LYPD6B: variants seen among roughly 807,000 people sequenced by gnomAD.
LYPD6B encodes the protein LY6/PLAUR domain containing 6B.
Under a neutral mutation model 22.8 loss-of-function variants are expected in LYPD6B, and 17 were observed. The observed-to-expected ratio is 0.75, with a 90% confidence interval of 0.51 to 1.12. LYPD6B has a LOEUF of 1.12. Ranked by LOEUF, LYPD6B falls within the 50% of genes most tolerant of loss-of-function variation. The pLI, the probability that LYPD6B is intolerant of heterozygous loss-of-function variation, is 0.00. For synonymous variants in LYPD6B, 106 were observed against 91.6 expected (o/e 1.16, Z -0.90); for missense variants, 221 against 258.3 (o/e 0.86, Z 0.99).
chr2:149,206,047 T>G, intron 4 of LYPD6B: 1 of 467,608 alleles, frequency 2.1e-6, no homozygotes. Context: ...ATATACTTTA[T>G]TAGAGAGTGA....
At chr2:149,067,231 G>A (rs778215481) in intron 1 of LYPD6B, among the ~76,000 whole-genome samples, 9 of 152,080 alleles carry the variant, frequency 5.9e-5, no homozygotes, top group African/African-American at 1.9e-4. Flanking sequence ...TTTGAGAAGC[G>A]CTGCTACATA....
chr2:149,132,508 A>G (rs1401107011), intron 2 of LYPD6B, among the ~76,000 whole-genome samples: 2 of 152,022 alleles, frequency 1.3e-5, no homozygotes. Context: ...CCAAAGCCCA[A>G]CATTTTGGCT....
At chr2:149,205,521 G>C in intron 4 of LYPD6B, 117 bp downstream of exon 4, 1 of 1,115,744 alleles carries the variant, frequency 9.0e-7, no homozygotes, top group Non-Finnish European at 1.3e-6. Context: ...TTTATCCCTA[G>C]AATAAAACAG....
At chr2:149,177,995 C>G (rs562054424) in intron 3 of LYPD6B, among the ~76,000 whole-genome samples, 5 of 152,182 alleles carry the variant, frequency 3.3e-5, no homozygotes, top group African/African-American at 1.2e-4. Context: ...TACTATATCC[C>G]TAACATTTAA....
chr2:149,086,694 A>G (rs1414264601), intron 1 of LYPD6B, among the ~76,000 whole-genome samples: 1 of 152,224 alleles, frequency 6.6e-6, no homozygotes, highest in Non-Finnish European at 1.5e-5. Flanking sequence ...TCACAGACCC[A>G]GTGCCCTAAA....
At chr2:149,073,728 A>G (rs1479440242) in intron 1 of LYPD6B, among the ~76,000 whole-genome samples, 4 of 151,948 alleles carry the variant, frequency 2.6e-5, no homozygotes, top group Non-Finnish European at 5.9e-5. Flanking sequence ...TACCTGCTGG[A>G]CCATCGCCAA....
At chr2:149,096,672 A>G (rs1457022412) in intron 1 of LYPD6B, among the ~76,000 whole-genome samples, 2 of 152,190 alleles carry the variant, frequency 1.3e-5, no homozygotes, top group Non-Finnish European at 2.9e-5. Context: ...AAACCTCTGA[A>G]TATCCCTGGG....
chr2:149,154,132 CA>C (rs1211302799), intron 2 of LYPD6B: 12 of 537,470 alleles, frequency 2.2e-5, no homozygotes, highest in South Asian at 8.1e-5. Flanking sequence ...CCCCACCCCC[CA>C]AAAAAATCCA....
At position 149,166,806 on chromosome 2, in the gene LYPD6B, G is replaced by A. The variant is rs555011579; in HGVS notation, c.77+5971G>A. Among the ~76,000 whole-genome samples, 5 of 152,188 alleles carry A rather than the reference G, an allele frequency of 3.3e-5. No individual in the cohort carries two copies. The South Asian group carries it at 8.3e-4, about 25-fold the overall frequency. On this transcript the variant is annotated intron_variant, in intron 3 of 6. Coordinates refer to ENST00000409642, the MANE Select transcript of LYPD6B (RefSeq NM_177964.5). Reference sequence around the variant, plus strand: ...TCTGAGCTGGAAAATGGGCAATCTGGACATGCATGGTCCCACCAGAGAGGA... The same window carrying A: ...TCTGAGCTGGAAAATGGGCAATCTGAACATGCATGGTCCCACCAGAGAGGA...
chr2:149,143,309 C>T (rs1177086182), intron 2 of LYPD6B, among the ~76,000 whole-genome samples: 6 of 148,272 alleles, frequency 4.0e-5, no homozygotes, highest in African/African-American at 9.9e-5. Flanking sequence ...CTTCTTGGCT[C>T]GTTGTATGTA....
chr2:149,184,335 C>T (rs1000891086), intron 3 of LYPD6B, among the ~76,000 whole-genome samples: 10 of 152,204 alleles, frequency 6.6e-5, no homozygotes, highest in African/African-American at 2.2e-4. Context: ...ACATGGGATA[C>T]ATTCATCAAT....
intron 3 of LYPD6B, among the ~76,000 whole-genome samples, chr2:149,167,889 T>C (rs1690536471): frequency 6.6e-6 from 1 of 152,092 alleles, no homozygotes; most frequent in Non-Finnish European, 1.5e-5. Context: ...ATAGAGGTTT[T>C]TTTATGTTTT....
At chr2:149,117,136 A>G (rs1236947530) in intron 1 of LYPD6B, among the ~76,000 whole-genome samples, 4 of 151,992 alleles carry the variant, frequency 2.6e-5, no homozygotes, top group African/African-American at 4.8e-5. Context: ...CCCTCAGTCT[A>G]TCCTACATTG....
At chr2:149,098,087 CT>C in intron 1 of LYPD6B, among the ~76,000 whole-genome samples, 1 of 152,120 alleles carries the variant, frequency 6.6e-6, no homozygotes, top group African/African-American at 2.4e-5. Context: ...CTTTTGTTCA[CT>C]TTTTGAGGTG....
chr2:149,057,578 C>A (rs1468595687), intron 1 of LYPD6B, among the ~76,000 whole-genome samples: 2 of 152,032 alleles, frequency 1.3e-5, no homozygotes, highest in Non-Finnish European at 2.9e-5. Flanking sequence ...CCCCTCCAGT[C>A]CCTACGATTA....
At chr2:149,164,342 C>G (rs1690283555) in intron 3 of LYPD6B, among the ~76,000 whole-genome samples, 1 of 152,092 alleles carries the variant, frequency 6.6e-6, no homozygotes, top group Non-Finnish European at 1.5e-5. Flanking sequence ...CTTGCTTTTA[C>G]CAGCAGAATA....
chr2:149,100,289 G>T (rs910579555), intron 1 of LYPD6B, among the ~76,000 whole-genome samples: 8 of 152,006 alleles, frequency 5.3e-5, no homozygotes, highest in African/African-American at 1.4e-4. Context: ...ATGAACTGAT[G>T]CCGGTTTGAC....
chr2:149,110,957 G>T (rs1686728049), intron 1 of LYPD6B, among the ~76,000 whole-genome samples: 1 of 152,192 alleles, frequency 6.6e-6, no homozygotes, highest in Non-Finnish European at 1.5e-5. Flanking sequence ...TTGAAGCAGA[G>T]ACTAGAATAA....
intron 1 of LYPD6B, among the ~76,000 whole-genome samples, chr2:149,049,143 G>A (rs1683436229): frequency 6.6e-6 from 1 of 152,158 alleles, no homozygotes; most frequent in African/African-American, 2.4e-5. Context: ...CTCTCCTAAT[G>A]TGCCTTCAGT....
Sources: allele counts gnomAD v4.1 joint callset (sites outside exome capture counted in the v4.1 genomes callset), GRCh38; gene constraint gnomAD v4.1.1; transcripts MANE v1.5; gene names NCBI Gene and HGNC (gene_info 2026-07-23, HGNC 2026-07-21).